The following KDM6A variants were observed in gnomAD, a reference collection of about 807,000 sequenced individuals.
The protein encoded by KDM6A is lysine-specific demethylase 6A.
Under a neutral mutation model 117.6 loss-of-function variants are expected in KDM6A, and 11 were observed. The ratio of observed to expected loss-of-function variants is 0.09; its 90% CI spans 0.06 to 0.15. The LOEUF (loss-of-function observed/expected upper bound fraction) is 0.15, where lower values mean the gene tolerates loss of function less well. KDM6A is among the 10% of genes least tolerant of loss of function. The pLI is 1.00. For missense variants in KDM6A, 799 were observed against 1,077.3 expected (o/e 0.74, Z 3.62); for synonymous variants, 384 against 396.1 (o/e 0.97, Z 0.36).
intron 8 of KDM6A, among the ~76,000 whole-genome samples, chrX:45,051,286 G>C (rs143414273): frequency 0.01 from 1,157 of 111,971 alleles, 35 homozygotes; most frequent in Admixed American, 0.075. Flanking sequence ...GGGATTACAG[G>C]TGTGAGCCAC....
chrX:45,002,381 C>T (rs779598021), intron 4 of KDM6A, among the ~76,000 whole-genome samples: 2 of 111,624 alleles, frequency 1.8e-5, no homozygotes, highest in South Asian at 7.4e-4. Context: ...TTAAGAAAAA[C>T]CTTTTGTGCT....
intron 7 of KDM6A, among the ~76,000 whole-genome samples, chrX:45,036,786 T>C (rs1395395063): frequency 8.9e-6 from 1 of 112,756 alleles, no homozygotes; most frequent in Non-Finnish European, 1.9e-5. Flanking sequence ...ATGATAACTT[T>C]TATGGATGTC....
At chrX:45,087,055 A>G (rs766336079) in intron 25 of KDM6A, among the ~76,000 whole-genome samples, 2 of 112,926 alleles carry the variant, frequency 1.8e-5, no homozygotes, top group Non-Finnish European at 3.7e-5. Flanking sequence ...CAGTGGCACA[A>G]TCTCAGCTTA....
chrX:44,958,181 A>ATTTT (rs35278318), intron 2 of KDM6A, among the ~76,000 whole-genome samples: 1 of 97,484 alleles, frequency 1.0e-5, no homozygotes, highest in Non-Finnish European at 2.1e-5. Flanking sequence ...TCTTTAATGA[A>ATTTT]TTTTTTTTTT....
intron 2 of KDM6A, among the ~76,000 whole-genome samples, chrX:44,930,356 G>T (rs1301087112): frequency 9.0e-6 from 1 of 111,395 alleles, no homozygotes. Context: ...CAGAATATTA[G>T]TTTTTGTTTA....
intron 18 of KDM6A, among the ~76,000 whole-genome samples, chrX:45,076,288 C>A (rs2045110169): frequency 1.8e-5 from 2 of 111,226 alleles, no homozygotes; most frequent in East Asian, 5.6e-4. Flanking sequence ...AGATGAGACA[C>A]AGGAAAAGAG....
chrX:44,878,934 C>G (rs2031969372), intron 2 of KDM6A, among the ~76,000 whole-genome samples: 1 of 110,818 alleles, frequency 9.0e-6, no homozygotes, highest in Admixed American at 9.7e-5. Flanking sequence ...GTTGGCCAGA[C>G]TGGTCTCAAA....
At chrX:44,995,045 C>A (rs2040799666) in intron 4 of KDM6A, among the ~76,000 whole-genome samples, 2 of 111,831 alleles carry the variant, frequency 1.8e-5, no homozygotes, top group Non-Finnish European at 3.8e-5. Context: ...ATTTTGATTT[C>A]AATTTCTATG....
chrX:45,053,763 C>T (rs761968141), intron 9 of KDM6A, 66 bp from the exon 10 acceptor site: 32 of 906,098 alleles, frequency 3.5e-5, no homozygotes, highest in South Asian at 6.2e-5. Flanking sequence ...TTTTCTGCTT[C>T]GTATTCTTAA....
At chrX:44,876,918 C>T (rs1238221341) in intron 2 of KDM6A, among the ~76,000 whole-genome samples, 1 of 110,946 alleles carries the variant, frequency 9.0e-6, no homozygotes, top group Non-Finnish European at 1.9e-5. Context: ...TACGTATACA[C>T]ACATATACAT....
intron 6 of KDM6A, among the ~76,000 whole-genome samples, chrX:45,030,157 C>T (rs1179768995): frequency 9.1e-6 from 1 of 109,886 alleles, no homozygotes; most frequent in African/African-American, 3.3e-5. Context: ...GGCGATAAGT[C>T]ATTTGGGAGT....
intron 3 of KDM6A, among the ~76,000 whole-genome samples, chrX:44,967,431 C>G (rs1238450521): frequency 2.7e-5 from 3 of 111,137 alleles, no homozygotes. Context: ...GGGAGTAAAC[C>G]ATGTAGTAAA....
In KDM6A at chrX:45,023,473, C is replaced by T. The variant is rs774201278; in HGVS notation, c.564+2743C>T. On this transcript the variant is annotated intron_variant, in intron 6 of 29. Transcript: ENST00000611820. ...CTGTGTTGGTGCTGTGTAAACAGCT[C>T]TCAGAGCAAACCAACTTGGTTTTCA... is the stretch of plus-strand genomic sequence containing the variant. Among the ~76,000 whole-genome samples the T allele has an allele frequency of 3.6e-5, 4 of 111,195 alleles. No homozygotes were observed. The South Asian group carries it at 1.5e-3, about 43-fold the overall frequency.
At chrX:45,019,023 C>T (rs1166364216) in intron 5 of KDM6A, among the ~76,000 whole-genome samples, 1 of 111,578 alleles carries the variant, frequency 9.0e-6, no homozygotes, top group Non-Finnish European at 1.9e-5. Context: ...TTCTAAAAGT[C>T]TTTGTATACC....
intron 2 of KDM6A, among the ~76,000 whole-genome samples, chrX:44,924,191 A>T (rs1232249516): frequency 9.0e-6 from 1 of 111,217 alleles, no homozygotes. Flanking sequence ...TTTGTGATTA[A>T]TTTTCTATTG....
intron 13 of KDM6A, 42 bp from the exon 14 acceptor site, chrX:45,060,567 A>T (rs1333620380): frequency 1.0e-6 from 1 of 969,789 alleles, no homozygotes; most frequent in Admixed American, 3.5e-5. Flanking sequence ...TGAATTAAGA[A>T]TATATAGAAC....
At chrX:45,096,697 A>C (rs1334286507) in intron 27 of KDM6A, among the ~76,000 whole-genome samples, 1 of 111,769 alleles carries the variant, frequency 8.9e-6, no homozygotes, top group Non-Finnish European at 1.9e-5. Context: ...CTATTATTAA[A>C]AAGTTAAAAA....
chrX:44,989,090 T>A (rs2040424113), intron 4 of KDM6A, among the ~76,000 whole-genome samples: 1 of 107,150 alleles, frequency 9.3e-6, no homozygotes, highest in African/African-American at 3.4e-5. Context: ...GTTTACCTAC[T>A]CAAGCCTCGG....
At chrX:44,994,574 G>A (rs1345020000) in intron 4 of KDM6A, among the ~76,000 whole-genome samples, 1 of 112,281 alleles carries the variant, frequency 8.9e-6, no homozygotes, top group Non-Finnish European at 1.9e-5. Context: ...GAATATGGGA[G>A]TATAGATGTT....
Sources: gnomAD v4.1 joint callset for allele counts (sites outside exome capture counted in the v4.1 genomes callset) on GRCh38, gnomAD v4.1.1 for gene constraint, MANE v1.5 for transcripts, NCBI Gene and HGNC (gene_info 2026-07-23, HGNC 2026-07-21) for gene names.